ADAM12: variants seen among roughly 807,000 people sequenced by gnomAD.
ADAM12 encodes the protein disintegrin and metalloproteinase domain-containing protein 12.
Under a neutral mutation model 106.4 loss-of-function variants are expected in ADAM12, and 70 were observed. That is an observed-to-expected ratio of 0.66 (90% CI 0.54 to 0.80). The LOEUF is 0.80. Among genes scored for constraint, ADAM12 ranks in the 30% least tolerant of loss-of-function variants. The pLI, the probability that ADAM12 is intolerant of heterozygous loss-of-function variation, is 0.00. For synonymous variants in ADAM12, 420 were observed against 433.5 expected, an observed-to-expected ratio of 0.97 and a Z score of 0.39; for missense variants, 1,010 against 1,171.9, an observed-to-expected ratio of 0.86 and a Z score of 2.02.
intron 3 of ADAM12, among the ~76,000 whole-genome samples, chr10:126,173,018 ACAC>A (rs1303245524): frequency 6.6e-6 from 1 of 152,202 alleles, no homozygotes; most frequent in Non-Finnish European, 1.5e-5. Flanking sequence ...CAGAAAACCC[ACAC>A]CACATGTTCT....
In ADAM12 at chr10:126,016,483, C is replaced by G. The variant is rs534890029; in HGVS notation, c.*796G>C. ...GCTAAATAACCTACTGGTGGCAGTG[C>G]TCTAGAAAGGACAGCGAGAAAAAGA... On this transcript the variant is annotated 3_prime_UTR_variant, in exon 23 of 23. Transcript: ENST00000448723. 1.3e-5 allele frequency: 2 copies of G among 152,320 alleles called. No homozygotes were observed. Among genetic ancestry groups the G allele is most frequent in the East Asian group, 1.9e-4 (1 of 5,168 alleles). The allele number at this position is 152,320 out of a possible 1,614,324, so 9.4% of individuals were successfully genotyped here. A position where few individuals can be genotyped will look rare whatever the true frequency, so the allele number is the denominator to read the frequency against.
At chr10:126,248,529 G>C (rs17684225) in intron 3 of ADAM12, among the ~76,000 whole-genome samples, 10,995 of 152,076 alleles carry the variant, frequency 0.072, 510 homozygotes, top group East Asian at 0.13. Context: ...TCTCGTCCTT[G>C]GTGGCCAAAC....
chr10:126,167,177 TTTTAAA>T (rs1199187680), intron 3 of ADAM12, among the ~76,000 whole-genome samples: 1 of 152,168 alleles, frequency 6.6e-6, no homozygotes, highest in Non-Finnish European at 1.5e-5. Flanking sequence ...TTACGTGTAT[TTTTAAA>T]TTTAACTTTT....
At chr10:126,173,898 C>G (rs1237115365) in intron 3 of ADAM12, among the ~76,000 whole-genome samples, 1 of 150,302 alleles carries the variant, frequency 6.7e-6, no homozygotes, top group Non-Finnish European at 1.5e-5. Context: ...TTTTAAAGAG[C>G]ATTAATATTT....
intron 1 of ADAM12, among the ~76,000 whole-genome samples, chr10:126,354,048 T>TA (rs1554874020): frequency 2.0e-5 from 3 of 150,722 alleles, no homozygotes; most frequent in South Asian, 4.2e-4. Flanking sequence ...TTTTTTTTTT[T>TA]AAAGAAAAAG....
At chr10:126,099,452 C>A (rs74232074) in intron 9 of ADAM12, among the ~76,000 whole-genome samples, 2,245 of 145,754 alleles carry the variant, frequency 0.015, 76 homozygotes, top group East Asian at 0.088. Flanking sequence ...GTAGAAATTT[C>A]GGCCTTTATT....
At chr10:126,035,438 A>T (rs1954042094) in intron 21 of ADAM12, among the ~76,000 whole-genome samples, 1 of 152,094 alleles carries the variant, frequency 6.6e-6, no homozygotes, top group African/African-American at 2.4e-5. Context: ...ATGCCATTGT[A>T]AATGGGACTA....
intron 1 of ADAM12, 59 bp downstream of exon 1, chr10:126,387,999 C>T: frequency 5.0e-6 from 6 of 1,189,960 alleles, no homozygotes; most frequent in Middle Eastern, 3.4e-4. Context: ...CGCGCCCAGG[C>T]GCAGCGTGCG....
rs539387019 is a variant in ADAM12, at chr10:126,318,365, C to T, written c.186+12047G>A. ...TCACACACATTCACACTCTCTCACT[C>T]GCATACATCCACAAGCTCAGAGTCA... is the stretch of plus-strand genomic sequence containing the variant. On this transcript the variant is annotated intron_variant, in intron 2 of 22. Coordinates refer to ENST00000448723, the MANE Select transcript of ADAM12 (RefSeq NM_001288973.2). Among the ~76,000 whole-genome samples, 12 of 152,016 alleles carry T rather than the reference C, an allele frequency of 7.9e-5. No homozygotes were observed. The East Asian group carries it at 1.7e-3, about 22-fold the overall frequency.
Position 126,085,145 on chromosome 10 carries a change from C to T in ADAM12, c.1145+8840G>A, listed in dbSNP as rs536529659. On this transcript the variant is annotated intron_variant, in intron 11 of 22. Coordinates refer to ENST00000448723, the MANE Select transcript of ADAM12 (RefSeq NM_001288973.2). ...TCTACTGTTTGAAAGCAAATTGTTT[C>T]CCTCACCCAGGTCTCCATGGATTAT... Among the ~76,000 whole-genome samples the T allele has an allele frequency of 2.0e-5, 3 of 152,286 alleles. No homozygotes were observed. The South Asian group carries it at 6.2e-4, about 32-fold the overall frequency.
In ADAM12 at chr10:126,243,979, G is replaced by A. The variant is rs555021340; in HGVS notation, c.260+34936C>T. Reference sequence around the variant, plus strand: ...CTATCAAAATCCGGGGGATGACATTGCACCAACTGGATCAGACTGGGGGAG... The same window carrying A: ...CTATCAAAATCCGGGGGATGACATTACACCAACTGGATCAGACTGGGGGAG... On this transcript the variant is annotated intron_variant, in intron 3 of 22. Transcript: ENST00000448723. Among the ~76,000 whole-genome samples the A allele has an allele frequency of 2.7e-4, 41 of 152,168 alleles. 1 individual carries two copies. The highest frequency in any genetic ancestry group is 3.2e-4 in the Non-Finnish European group (22 of 68,038).
At chr10:126,236,079 G>A (rs1958410082) in intron 3 of ADAM12, among the ~76,000 whole-genome samples, 1 of 152,200 alleles carries the variant, frequency 6.6e-6, no homozygotes, top group African/African-American at 2.4e-5. Context: ...ACCTGAAAAG[G>A]ACAGGCCACC....
chr10:126,296,815 G>A (rs1289546566), intron 2 of ADAM12, among the ~76,000 whole-genome samples: 1 of 152,210 alleles, frequency 6.6e-6, no homozygotes, highest in African/African-American at 2.4e-5. Context: ...TCGGGGATCT[G>A]CTTAGCTAGT....
intron 3 of ADAM12, among the ~76,000 whole-genome samples, chr10:126,202,201 C>A (rs142408911): frequency 6.2e-4 from 95 of 152,380 alleles, no homozygotes; most frequent in African/African-American, 2.2e-3. Context: ...CCATGGGTTT[C>A]TAGCTATTAG....
At chr10:126,378,942 A>C (rs1856394150) in intron 1 of ADAM12, among the ~76,000 whole-genome samples, 1 of 152,220 alleles carries the variant, frequency 6.6e-6, no homozygotes, top group South Asian at 2.1e-4. Flanking sequence ...AATTTCAGGA[A>C]TGTACCTTTC....
chr10:126,136,961 C>G (rs1956416471), intron 4 of ADAM12, among the ~76,000 whole-genome samples: 1 of 152,098 alleles, frequency 6.6e-6, no homozygotes, highest in Non-Finnish European at 1.5e-5. Flanking sequence ...CAGTGTATAT[C>G]AATCTAAATG....
chr10:126,084,018 T>A (rs1007335109), intron 11 of ADAM12, among the ~76,000 whole-genome samples: 1 of 152,124 alleles, frequency 6.6e-6, no homozygotes, highest in African/African-American at 2.4e-5. Context: ...ACCAGAAAGA[T>A]CCTTAGTAGG....
chr10:126,299,208 T>C (rs1960506334), intron 2 of ADAM12, among the ~76,000 whole-genome samples: 1 of 152,238 alleles, frequency 6.6e-6, no homozygotes, highest in African/African-American at 2.4e-5. Context: ...CCACTTTCAA[T>C]GCCTTCATTT....
intron 2 of ADAM12, among the ~76,000 whole-genome samples, chr10:126,312,143 A>AC (rs1961132434): frequency 6.6e-6 from 1 of 151,728 alleles, no homozygotes; most frequent in African/African-American, 2.4e-5. Flanking sequence ...AAAAAAAAAA[A>AC]AAAAAAAAAC....
Sources: allele counts gnomAD v4.1 joint callset (sites outside exome capture counted in the v4.1 genomes callset), GRCh38; gene constraint gnomAD v4.1.1; transcripts MANE v1.5; gene names NCBI Gene and HGNC (gene_info 2026-07-23, HGNC 2026-07-21).